NSFL1C: variants seen among roughly 807,000 people sequenced by gnomAD.
NSFL1C encodes NSFL1 cofactor.
In NSFL1C, 14 loss-of-function variants were observed where a neutral mutation model predicts 43.1. The observed-to-expected ratio is 0.32, with a 90% CI of 0.21 to 0.51. The LOEUF (loss-of-function observed/expected upper bound fraction) is 0.51. NSFL1C is among the 20% of genes least tolerant of loss of function. NSFL1C has a pLI of 0.98. For synonymous variants in NSFL1C, 171 were observed against 183.5 expected (o/e 0.93, Z 0.55); for missense variants, 406 against 472.5 (o/e 0.86, Z 1.30).
chr20:1,451,417 C>G (rs535051651), intron 7 of NSFL1C, among the ~76,000 whole-genome samples: 1 of 152,298 alleles, frequency 6.6e-6, no homozygotes, highest in South Asian at 2.1e-4. Context: ...ACTTTGAGAA[C>G]TGCCAGATCT....
chr20:1,446,166 A>AG, intron 7 of NSFL1C: 1 of 432,388 alleles, frequency 2.3e-6, no homozygotes, highest in Non-Finnish European at 4.4e-6. Flanking sequence ...TGGGAGAGAC[A>AG]GGGTCATAAG....
intron 7 of NSFL1C, among the ~76,000 whole-genome samples, chr20:1,451,898 G>A (rs2090188912): frequency 6.6e-6 from 1 of 152,236 alleles, no homozygotes; most frequent in Non-Finnish European, 1.5e-5. Flanking sequence ...GTGTCAGGAA[G>A]GGCCAAATAA....
intron 3 of NSFL1C, 50 bp from the exon 4 acceptor site, chr20:1,455,182 T>C (rs145724210): frequency 1.2e-6 from 2 of 1,604,696 alleles, no homozygotes; most frequent in African/African-American, 2.7e-5. Flanking sequence ...AAAACATGAA[T>C]AGAGCATGTG....
intron 8 of NSFL1C, among the ~76,000 whole-genome samples, chr20:1,444,284 C>A (rs900781545): frequency 1.1e-4 from 17 of 152,204 alleles, no homozygotes; most frequent in African/African-American, 4.1e-4. Flanking sequence ...CAACTCAGGC[C>A]TCGGATCCAA....
Position 1,443,806 on chromosome 20 carries a change from G to A in NSFL1C, c.1056C>T (p.Ser352=). The change falls in exon 9 of 9, where the codon AGC becomes AGT. Residue 352 remains serine (S), a synonymous_variant. Transcript: ENST00000216879. ...TFPNKELADE[S]QTLKEANLLN... ...GCAGGTTGGCTTCCTTCAGGGTCTG[G>A]CTCTCATCAGCCAGCTCTTTGTTCG... The A allele has an allele frequency of 1.2e-6, 2 of 1,614,146 alleles. No individual in the cohort carries two copies. The highest frequency in any genetic ancestry group is 2.2e-5 in the South Asian group (2 of 91,082).
chr20:1,446,103 G>A, intron 7 of NSFL1C: 1 of 526,792 alleles, frequency 1.9e-6, no homozygotes, highest in Non-Finnish European at 3.5e-6. Flanking sequence ...TTTCCTCCTT[G>A]GTGTCTTCAA....
At chr20:1,455,651 C>A (rs2090282618) in intron 3 of NSFL1C, 2 of 779,514 alleles carry the variant, frequency 2.6e-6, no homozygotes, top group Middle Eastern at 4.5e-4. Context: ...AGCCAGTGCA[C>A]TACTCTGTGA....
intron 2 of NSFL1C, among the ~76,000 whole-genome samples, chr20:1,458,661 A>G (rs568481736): frequency 6.6e-6 from 1 of 152,032 alleles, no homozygotes; most frequent in South Asian, 2.1e-4. Context: ...GGAAACTAAG[A>G]AAGGCTTCCC....
At chr20:1,446,036 CA>C in intron 7 of NSFL1C, 1 of 607,762 alleles carries the variant, frequency 1.6e-6, no homozygotes, top group Non-Finnish European at 2.9e-6. Context: ...TCATATATTT[CA>C]TACGTTATTG....
At chr20:1,446,474 G>A (rs1396953046) in intron 7 of NSFL1C, among the ~76,000 whole-genome samples, 1 of 152,094 alleles carries the variant, frequency 6.6e-6, no homozygotes, top group Middle Eastern at 3.2e-3. Context: ...ATCATACAAT[G>A]AACAGGACAC....
In NSFL1C at chr20:1,447,826, T is replaced by C. The variant is rs139138835; in HGVS notation, c.786-1996A>G. 2.0e-3 allele frequency among the ~76,000 whole-genome samples: 310 copies of C among 152,168 alleles called. 5 individuals carry two copies. The highest frequency in any genetic ancestry group is 0.02 in the East Asian group (102 of 5,172). Reference sequence around the variant, plus strand: ...ACACCGACTCTGTGCAGGTATTGTCTAAAGGGGCTTTCACAGCCACGACCT... The same window carrying C: ...ACACCGACTCTGTGCAGGTATTGTCCAAAGGGGCTTTCACAGCCACGACCT... On this transcript the variant is annotated intron_variant, in intron 7 of 8. Coordinates refer to ENST00000216879, the MANE Select transcript of NSFL1C (RefSeq NM_016143.5).
At chr20:1,465,360 C>T (rs187558022) in intron 1 of NSFL1C, among the ~76,000 whole-genome samples, 8 of 152,302 alleles carry the variant, frequency 5.3e-5, no homozygotes, top group Admixed American at 3.3e-4. Flanking sequence ...TCTCAGGGAG[C>T]CTACATTCAA....
intron 7 of NSFL1C, 104 bp from the exon 8 acceptor site, chr20:1,445,934 T>C (rs1357319185): frequency 8.0e-7 from 1 of 1,245,892 alleles, no homozygotes; most frequent in Non-Finnish European, 1.1e-6. Context: ...GCGCCTGGCA[T>C]TGTTTGGTGC....
At chr20:1,460,463 G>A (rs1568628036) in intron 2 of NSFL1C, among the ~76,000 whole-genome samples, 1 of 152,154 alleles carries the variant, frequency 6.6e-6, no homozygotes, top group Non-Finnish European at 1.5e-5. Context: ...TGGCATGGAT[G>A]TCCTAGGGAT....
Position 1,443,706 on chromosome 20 carries a change from C to A in NSFL1C, c.*43G>T. 6.2e-7 allele frequency: 1 copy of A among 1,609,160 alleles called. No individual in the cohort carries two copies. The highest frequency in any genetic ancestry group is 1.1e-5 in the South Asian group (1 of 90,878). On this transcript the variant is annotated 3_prime_UTR_variant, in exon 9 of 9. Transcript: ENST00000216879. ...GATCCCCATGGGGCATGGCCACTGG[C>A]CATGGGAAACACAGGAGGGAGGCCA...
Position 1,458,197 on chromosome 20 carries a change from C to A in NSFL1C, c.278+3G>T. 1 of 1,613,162 alleles carries A rather than the reference C, an allele frequency of 6.2e-7. No homozygotes were observed. The highest frequency in any genetic ancestry group is 8.5e-7 in the Non-Finnish European group (1 of 1,179,130). ...TCCCCCTGACCCCCTCTAGAAGACT[C>A]ACCTCTGGCCTTCCTCTTCCTCCTC... On this transcript the variant is annotated splice_donor_region_variant and intron_variant, in intron 3 of 8. Transcript: ENST00000216879.
chr20:1,453,072 T>C lies in NSFL1C; in HGVS notation c.606A>G (p.Gln202=), dbSNP rs560490781. Residue 202 remains glutamine (Q), a synonymous_variant, in exon 6 of 9, where the codon CAA becomes CAG. Transcript: ENST00000216879. ...CCAGAAACTGGGCATTGGATGGGTCTTGGTAGCTTCTGAGTTCTCCATTAT... is the reference window on the plus strand; with the variant it reads ...CCAGAAACTGGGCATTGGATGGGTCCTGGTAGCTTCTGAGTTCTCCATTAT... ...SLDNGELRSY[Q]DPSNAQFLES... The C allele has an allele frequency of 2.2e-5, 35 of 1,613,762 alleles. No homozygotes were observed. The highest frequency in any genetic ancestry group is 1.5e-4 in the African/African-American group (11 of 75,056).
chr20:1,447,424 AGTTT>A (rs2090082665), intron 7 of NSFL1C, among the ~76,000 whole-genome samples: 1 of 143,758 alleles, frequency 7.0e-6, no homozygotes, highest in South Asian at 2.2e-4. Flanking sequence ...AAATGTTATG[AGTTT>A]TTTTTTTTTT....
chr20:1,449,229 A>C (rs749581114), intron 7 of NSFL1C, among the ~76,000 whole-genome samples: 3 of 151,836 alleles, frequency 2.0e-5, no homozygotes, highest in African/African-American at 7.3e-5. Flanking sequence ...TAACAACATA[A>C]AACACTCGAC....
Sources: gnomAD v4.1 joint callset for allele counts (sites outside exome capture counted in the v4.1 genomes callset) on GRCh38, gnomAD v4.1.1 for gene constraint, MANE v1.5 for transcripts, NCBI Gene and HGNC (gene_info 2026-07-23, HGNC 2026-07-21) for gene names.